Variants in EPHA5 observed in about 807,000 individuals in gnomAD.
EPHA5 encodes EPH receptor A5.
In EPHA5, 60 loss-of-function variants were observed where a neutral mutation model predicts 105.0. The ratio of observed to expected loss-of-function variants is 0.57; its 90% CI spans 0.46 to 0.71. The LOEUF (loss-of-function observed/expected upper bound fraction) is 0.71, where lower values mean the gene tolerates loss of function less well. Among genes scored for constraint, EPHA5 ranks in the 30% least tolerant of loss-of-function variants. The probability of loss-of-function intolerance (pLI) is 0.00; values close to 1 mark genes in which losing one functional copy is unlikely to be tolerated. For synonymous variants in EPHA5, 513 were observed against 449.1 expected, an observed-to-expected ratio of 1.14 and a Z score of -1.80; for missense variants, 1,218 against 1,274.7, an observed-to-expected ratio of 0.96 and a Z score of 0.68.
chr4:65,433,469 T>C (rs1376317831), intron 5 of EPHA5, among the ~76,000 whole-genome samples: 1 of 152,194 alleles, frequency 6.6e-6, no homozygotes, highest in Non-Finnish European at 1.5e-5. Flanking sequence ...ATGTTGGCCA[T>C]AGAATATGAG....
chr4:65,339,551 C>A lies in EPHA5; in HGVS notation c.2596-3426G>T, dbSNP rs564131363. 2.0e-5 allele frequency among the ~76,000 whole-genome samples: 3 copies of A among 152,174 alleles called. No individual in the cohort carries two copies. In the South Asian group the frequency reaches 6.2e-4, roughly 32 times the overall value. On this transcript the variant is annotated intron_variant, in intron 14 of 16. Coordinates refer to ENST00000613740, the MANE Select transcript of EPHA5 (RefSeq NM_001281766.3). ...TAAGCTCTTAGGGCATATTTCTGGTCACAAAAACATAACTAAACTTCTAAT... is the reference window on the plus strand; with the variant it reads ...TAAGCTCTTAGGGCATATTTCTGGTAACAAAAACATAACTAAACTTCTAAT...
intron 3 of EPHA5, among the ~76,000 whole-genome samples, chr4:65,565,581 A>G (rs773213897): frequency 4.6e-5 from 7 of 151,658 alleles, no homozygotes; most frequent in Non-Finnish European, 8.9e-5. Flanking sequence ...GATTCTACTT[A>G]TTACCTTGTT....
intron 5 of EPHA5, among the ~76,000 whole-genome samples, chr4:65,482,055 T>C (rs545800015): frequency 1.1e-3 from 165 of 152,258 alleles, no homozygotes; most frequent in Non-Finnish European, 2.0e-3. Context: ...CCCAGCACTT[T>C]GGGAGGACGA....
chr4:65,337,544 G>A (rs187110359), intron 14 of EPHA5, among the ~76,000 whole-genome samples: 10 of 152,030 alleles, frequency 6.6e-5, no homozygotes, highest in Admixed American at 5.9e-4. Context: ...AAGATTAAAC[G>A]GTACTTTTAA....
intron 7 of EPHA5, among the ~76,000 whole-genome samples, chr4:65,407,782 G>A (rs773567993): frequency 8.6e-5 from 13 of 151,570 alleles, no homozygotes; most frequent in Admixed American, 4.6e-4. Flanking sequence ...TGGAGACAGG[G>A]TCTCACTTCG....
At chr4:65,504,166 TTAATTATAATAC>T (rs1455130567) in intron 3 of EPHA5, among the ~76,000 whole-genome samples, 1 of 151,382 alleles carries the variant, frequency 6.6e-6, no homozygotes, top group Non-Finnish European at 1.5e-5. Flanking sequence ...GTATCAATGA[TTAATTATAATAC>T]TAATTTCCTT....
chr4:65,550,117 T>C (rs1737754447), intron 3 of EPHA5, among the ~76,000 whole-genome samples: 2 of 151,960 alleles, frequency 1.3e-5, no homozygotes, highest in South Asian at 2.1e-4. Context: ...ACATTATTTG[T>C]TAAATAATAT....
intron 5 of EPHA5, among the ~76,000 whole-genome samples, chr4:65,440,895 T>C (rs1725951958): frequency 6.6e-6 from 1 of 152,080 alleles, no homozygotes; most frequent in Non-Finnish European, 1.5e-5. Flanking sequence ...GAGGCTGCTT[T>C]GTGTGCAACT....
chr4:65,401,000 T>C (rs899153720), intron 8 of EPHA5, among the ~76,000 whole-genome samples: 2 of 151,744 alleles, frequency 1.3e-5, no homozygotes, highest in Non-Finnish European at 2.9e-5. Flanking sequence ...TAGAAAGTAA[T>C]AAGGGTAATT....
intron 6 of EPHA5, among the ~76,000 whole-genome samples, chr4:65,414,786 C>A (rs972588406): frequency 2.0e-5 from 3 of 151,932 alleles, no homozygotes; most frequent in African/African-American, 7.2e-5. Flanking sequence ...CTTTTTTTCC[C>A]TCCAATATAG....
intron 2 of EPHA5, among the ~76,000 whole-genome samples, chr4:65,609,658 C>A (rs1453444678): frequency 7.2e-6 from 1 of 138,742 alleles, no homozygotes. Context: ...TTTTTTCATT[C>A]AATGTTGTCA....
At chr4:65,501,019 A>G (rs1732432328) in intron 3 of EPHA5, among the ~76,000 whole-genome samples, 1 of 151,348 alleles carries the variant, frequency 6.6e-6, no homozygotes, top group Non-Finnish European at 1.5e-5. Flanking sequence ...GTGAATTATC[A>G]GAGGATATAA....
chr4:65,525,519 C>G (rs28379141), intron 3 of EPHA5, among the ~76,000 whole-genome samples: 34,450 of 151,640 alleles, frequency 0.23, 4,072 homozygotes, highest in African/African-American at 0.28. Context: ...TGTACAGATA[C>G]ACATCTGCGG....
rs1448341281 is a variant in EPHA5, at chr4:65,367,495, GAA to G, written c.1794-73_1794-72del. 7.1e-5 allele frequency: 99 copies of G among 1,396,758 alleles called. No homozygotes were observed. In the African/African-American group the frequency reaches 1.1e-3, roughly 15 times the overall value. 86.5% of individuals were successfully genotyped at this position (1,396,758 alleles called of 1,614,324 possible). A position where few individuals can be genotyped will look rare whatever the true frequency, so the allele number is the denominator to read the frequency against. On this transcript the variant is annotated intron_variant, in intron 8 of 16. Transcript: ENST00000613740. Reference sequence around the variant, plus strand: ...TCAGTCACATCAAGCCCAGAAGCATGAAGCACAACTGAAATTATTGCAACCCT... The same window carrying G: ...TCAGTCACATCAAGCCCAGAAGCATGGCACAACTGAAATTATTGCAACCCT...
At chr4:65,441,184 C>A (rs923118270) in intron 5 of EPHA5, among the ~76,000 whole-genome samples, 1 of 151,714 alleles carries the variant, frequency 6.6e-6, no homozygotes, top group Non-Finnish European at 1.5e-5. Context: ...ACCATCAGCA[C>A]CTTTAATAAC....
At chr4:65,385,814 C>A (rs1720023855) in intron 8 of EPHA5, among the ~76,000 whole-genome samples, 1 of 151,644 alleles carries the variant, frequency 6.6e-6, no homozygotes, top group South Asian at 2.1e-4. Context: ...CAGGAATTTA[C>A]CTGACCAAAC....
chr4:65,642,615 G>C (rs1290924332), intron 2 of EPHA5, among the ~76,000 whole-genome samples: 1 of 151,840 alleles, frequency 6.6e-6, no homozygotes, highest in Admixed American at 6.6e-5. Flanking sequence ...TTATGAATTA[G>C]AATAATTAAT....
intron 3 of EPHA5, among the ~76,000 whole-genome samples, chr4:65,556,570 G>C (rs879072485): frequency 6.6e-6 from 1 of 152,064 alleles, no homozygotes; most frequent in East Asian, 1.9e-4. Context: ...TCTCCAATGG[G>C]ATCAGGTTCA....
intron 8 of EPHA5, among the ~76,000 whole-genome samples, chr4:65,390,108 G>T (rs1720555454): frequency 6.6e-6 from 1 of 151,816 alleles, no homozygotes; most frequent in Non-Finnish European, 1.5e-5. Context: ...TTGACATCTT[G>T]AAAACCTCTC....
Sources: allele counts gnomAD v4.1 joint callset (sites outside exome capture counted in the v4.1 genomes callset), GRCh38; gene constraint gnomAD v4.1.1; transcripts MANE v1.5; gene names NCBI Gene and HGNC (gene_info 2026-07-23, HGNC 2026-07-21).